PPP1R13B: variants seen among roughly 807,000 people sequenced by gnomAD.
PPP1R13B encodes the protein protein phosphatase 1 regulatory subunit 13B, also known as apoptosis-stimulating of p53 protein 1.
A neutral mutation model predicts 119.8 loss-of-function variants in PPP1R13B; 44 were observed. That is an observed-to-expected ratio of 0.37 (90% confidence interval 0.29 to 0.47). The LOEUF is 0.47. PPP1R13B is among the 20% of genes least tolerant of loss of function. The pLI is 0.99. For missense variants in PPP1R13B, 1,227 were observed against 1,413.5 expected (o/e 0.87, Z 2.12); for synonymous variants, 542 against 561.5 (o/e 0.97, Z 0.49).
intron 2 of PPP1R13B, among the ~76,000 whole-genome samples, chr14:103,796,566 CTG>C (rs1567130837): frequency 6.6e-6 from 1 of 152,188 alleles, no homozygotes; most frequent in Non-Finnish European, 1.5e-5. Context: ...AGAAAACAGT[CTG>C]GTGGTTCTTG....
At chr14:103,761,762 CAAAAAAAAAAAAA>C (rs2084811988) in intron 4 of PPP1R13B, among the ~76,000 whole-genome samples, 1 of 104,916 alleles carries the variant, frequency 9.5e-6, no homozygotes, top group African/African-American at 3.6e-5. Context: ...GACTCCATCT[CAAAAAAAAAAAAA>C]GAAAAAGAAA....
chr14:103,763,153 A>T, intron 4 of PPP1R13B: 1 of 622,376 alleles, frequency 1.6e-6, no homozygotes, highest in Non-Finnish European at 2.9e-6. Context: ...TATGACAGGG[A>T]TAATGAGATG....
At chr14:103,801,101 C>T (rs1019927237) in intron 1 of PPP1R13B, among the ~76,000 whole-genome samples, 5 of 152,118 alleles carry the variant, frequency 3.3e-5, no homozygotes, top group Admixed American at 6.6e-5. Context: ...CTACCCACCT[C>T]GGCCTCCCAA....
In PPP1R13B at chr14:103,778,324, C is replaced by T. The variant is rs1440042131; in HGVS notation, c.354+421G>A. ...TTGCCCAAGCTGGAGTACAGTGGTG[C>T]GATCTTGGCTCACTGCAACCTCTGC... On this transcript the variant is annotated intron_variant, in intron 4 of 16. Transcript: ENST00000202556. Among the ~76,000 whole-genome samples the T allele has an allele frequency of 5.1e-5, 7 of 135,936 alleles. No homozygotes were observed. The South Asian group carries it at 1.4e-3, about 27-fold the overall frequency. 89.2% of individuals were successfully genotyped at this position (135,936 alleles called of 152,430 possible).
upstream of PPP1R13B, chr14:103,848,151 C>T (rs1231790920): frequency 1.3e-6 from 1 of 799,518 alleles, no homozygotes; most frequent in Non-Finnish European, 1.5e-6. Flanking sequence ...CTGCTTCTCC[C>T]CCACCGGCGT....
chr14:103,751,102 C>T lies in PPP1R13B; in HGVS notation c.829-1168G>A, dbSNP rs978723334. On this transcript the variant is annotated intron_variant, in intron 7 of 16. Coordinates refer to ENST00000202556, the MANE Select transcript of PPP1R13B (RefSeq NM_015316.3). ...CCTGGAGGCAGAGGTTGCAGTGAGCCGAGATCGTGCCACTGCACTCCAGCC... is the reference window on the plus strand; with the variant it reads ...CCTGGAGGCAGAGGTTGCAGTGAGCTGAGATCGTGCCACTGCACTCCAGCC... 3.3e-5 allele frequency among the ~76,000 whole-genome samples: 5 copies of T among 151,002 alleles called. No individual in the cohort carries two copies. The South Asian group carries it at 6.3e-4, about 19-fold the overall frequency.
At chr14:103,835,660 G>A (rs1322741324) in intron 1 of PPP1R13B, among the ~76,000 whole-genome samples, 1 of 151,642 alleles carries the variant, frequency 6.6e-6, no homozygotes, top group African/African-American at 2.4e-5. Context: ...CCAGGCTGGA[G>A]TGCAGTGGCA....
chr14:103,771,711 C>T (rs2085074084), intron 4 of PPP1R13B, among the ~76,000 whole-genome samples: 1 of 152,022 alleles, frequency 6.6e-6, no homozygotes, highest in Non-Finnish European at 1.5e-5. Context: ...GAACTCCTGA[C>T]CTCAGGTGAC....
chr14:103,837,554 C>A (rs2086806419), intron 1 of PPP1R13B, among the ~76,000 whole-genome samples: 1 of 152,016 alleles, frequency 6.6e-6, no homozygotes, highest in Non-Finnish European at 1.5e-5. Context: ...CTTACATGTG[C>A]ATGCACGCAA....
chr14:103,745,824 T>G (rs998724157), intron 9 of PPP1R13B, among the ~76,000 whole-genome samples: 10 of 152,212 alleles, frequency 6.6e-5, no homozygotes, highest in African/African-American at 1.4e-4. Flanking sequence ...GTTTTGTTTT[T>G]TTTGAGATGA....
At chr14:103,846,034 T>G (rs2087022771) in intron 1 of PPP1R13B, among the ~76,000 whole-genome samples, 1 of 152,198 alleles carries the variant, frequency 6.6e-6, no homozygotes, top group African/African-American at 2.4e-5. Context: ...GACCTTGACT[T>G]CTTCAAGGTC....
chr14:103,804,739 A>G (rs952918764), intron 1 of PPP1R13B, among the ~76,000 whole-genome samples: 50 of 149,260 alleles, frequency 3.3e-4, no homozygotes, highest in African/African-American at 1.1e-3. Flanking sequence ...ATCTCTAAGG[A>G]AAAAAAAAAA....
At chr14:103,836,833 A>C (rs955517214) in intron 1 of PPP1R13B, among the ~76,000 whole-genome samples, 2 of 152,096 alleles carry the variant, frequency 1.3e-5, no homozygotes, top group African/African-American at 4.8e-5. Context: ...GCAAAGCCAG[A>C]ATATACAGTC....
intron 4 of PPP1R13B, among the ~76,000 whole-genome samples, chr14:103,761,934 T>C (rs539821198): frequency 1.3e-5 from 2 of 152,232 alleles, no homozygotes; most frequent in African/African-American, 4.8e-5. Context: ...CATGCTTGGA[T>C]AAACCCAAAA....
chr14:103,778,956 C>A, intron 3 of PPP1R13B, 135 bp from the exon 4 acceptor site: 1 of 706,812 alleles, frequency 1.4e-6, no homozygotes, highest in Admixed American at 2.8e-5. Context: ...GACTTTAGTA[C>A]AGTTGAAAAA....
At chr14:103,769,580 T>C (rs1350769109) in intron 4 of PPP1R13B, among the ~76,000 whole-genome samples, 1 of 152,102 alleles carries the variant, frequency 6.6e-6, no homozygotes, top group Non-Finnish European at 1.5e-5. Flanking sequence ...GTTTCTCAAG[T>C]AAAATGTCAT....
chr14:103,840,380 G>T (rs1234797218), intron 1 of PPP1R13B, among the ~76,000 whole-genome samples: 1 of 152,196 alleles, frequency 6.6e-6, no homozygotes, highest in Non-Finnish European at 1.5e-5. Flanking sequence ...AAAATCCTAA[G>T]AAACTGTTAA....
intron 2 of PPP1R13B, among the ~76,000 whole-genome samples, chr14:103,796,176 G>T (rs193153603): frequency 6.6e-6 from 1 of 152,120 alleles, no homozygotes; most frequent in African/African-American, 2.4e-5. Flanking sequence ...CCAGCTACAC[G>T]AGAGGCTGAG....
At chr14:103,839,543 C>G (rs77660965) in intron 1 of PPP1R13B, among the ~76,000 whole-genome samples, 3,832 of 151,498 alleles carry the variant, frequency 0.025, 72 homozygotes, top group Non-Finnish European at 0.035. Flanking sequence ...AGAAGAACCC[C>G]TTGAACCTGG....
Sources: gnomAD v4.1 joint callset for allele counts (sites outside exome capture counted in the v4.1 genomes callset) on GRCh38, gnomAD v4.1.1 for gene constraint, MANE v1.5 for transcripts, NCBI Gene and HGNC (gene_info 2026-07-23, HGNC 2026-07-21) for gene names.